SHISA6: variants seen among roughly 807,000 people sequenced by gnomAD.
The protein encoded by SHISA6 is protein shisa-6.
Under a neutral mutation model 47.9 loss-of-function variants are expected in SHISA6, and 22 were observed. The ratio of observed to expected loss-of-function variants is 0.46; its 90% CI spans 0.33 to 0.66. SHISA6 has a LOEUF of 0.66. Among genes scored for constraint, SHISA6 ranks in the 30% least tolerant of loss-of-function variants. The pLI is 0.02. For missense variants in SHISA6, 680 were observed against 764.6 expected (o/e 0.89, Z 1.30); for synonymous variants, 388 against 337.8 (o/e 1.15, Z -1.63).
At chr17:11,470,282 AC>A (rs899920290) in intron 3 of SHISA6, among the ~76,000 whole-genome samples, 1 of 152,210 alleles carries the variant, frequency 6.6e-6, no homozygotes, top group African/African-American at 2.4e-5. Flanking sequence ...CTCTGTTCAC[AC>A]AGCTGGACCA....
chr17:11,399,714 G>A (rs987523008), intron 3 of SHISA6, among the ~76,000 whole-genome samples: 1 of 152,122 alleles, frequency 6.6e-6, no homozygotes, highest in Non-Finnish European at 1.5e-5. Flanking sequence ...GAGGCACTGC[G>A]CCCAGCCCAT....
In SHISA6 at chr17:11,405,574, C is replaced by G. The variant is rs1849586; in HGVS notation, c.895+26065C>G. Among the ~76,000 whole-genome samples, 6 of 152,116 alleles carry G rather than the reference C, an allele frequency of 3.9e-5. No individual in the cohort carries two copies. The South Asian group carries it at 1.2e-3, about 32-fold the overall frequency. On this transcript the variant is annotated intron_variant, in intron 3 of 5. Coordinates refer to ENST00000441885, the MANE Select transcript of SHISA6 (RefSeq NM_207386.4). ...ATCCCAGCACTTTGGGAGGCCGAGGCGGGTGGATCACAAGGTCAGCAGTTC... is the reference window on the plus strand; with the variant it reads ...ATCCCAGCACTTTGGGAGGCCGAGGGGGGTGGATCACAAGGTCAGCAGTTC...
chr17:11,330,352 GA>G, intron 2 of SHISA6, among the ~76,000 whole-genome samples: 1 of 152,274 alleles, frequency 6.6e-6, no homozygotes, highest in Non-Finnish European at 1.5e-5. Context: ...CCAGGTAGAT[GA>G]AAAGCTCACA....
chr17:11,483,870 C>T (rs952014006), intron 3 of SHISA6, among the ~76,000 whole-genome samples: 3 of 152,098 alleles, frequency 2.0e-5, no homozygotes, highest in East Asian at 3.9e-4. Flanking sequence ...GCAGGAGGAT[C>T]GCTTGAGTCC....
chr17:11,350,175 TTTA>T (rs1425216825), intron 2 of SHISA6, among the ~76,000 whole-genome samples: 8 of 94,386 alleles, frequency 8.5e-5, no homozygotes, highest in African/African-American at 3.3e-4. Context: ...TATTTATTTA[TTTA>T]TTTATTTTTT....
intron 3 of SHISA6, among the ~76,000 whole-genome samples, chr17:11,502,223 C>A (rs887773753): frequency 6.7e-6 from 1 of 149,352 alleles, no homozygotes; most frequent in Non-Finnish European, 1.5e-5. Flanking sequence ...TCCTGGCTAA[C>A]ACGGTGAAAC....
At chr17:11,412,744 C>G (rs185773626) in intron 3 of SHISA6, among the ~76,000 whole-genome samples, 1 of 152,116 alleles carries the variant, frequency 6.6e-6, no homozygotes, top group East Asian at 1.9e-4. Context: ...GGGAAGAACA[C>G]TTAGACTTCT....
intron 3 of SHISA6, among the ~76,000 whole-genome samples, chr17:11,420,809 G>A (rs1026167217): frequency 2.0e-5 from 3 of 152,178 alleles, no homozygotes; most frequent in African/African-American, 7.2e-5. Context: ...CCAGTCAATT[G>A]GCTAAGATTA....
intron 3 of SHISA6, among the ~76,000 whole-genome samples, chr17:11,457,792 A>G (rs980154159): frequency 6.6e-5 from 9 of 136,670 alleles, no homozygotes; most frequent in Non-Finnish European, 1.4e-4. Flanking sequence ...CCATAAAAAT[A>G]GAGAATGCCT....
chr17:11,336,294 C>A (rs1016158530), intron 2 of SHISA6, among the ~76,000 whole-genome samples: 13 of 151,908 alleles, frequency 8.6e-5, no homozygotes, highest in Admixed American at 3.9e-4. Context: ...TGGCTCTGAT[C>A]TTTATAGACA....
At chr17:11,282,645 G>A (rs918752873) in intron 2 of SHISA6, among the ~76,000 whole-genome samples, 11 of 152,118 alleles carry the variant, frequency 7.2e-5, no homozygotes, top group Non-Finnish European at 1.3e-4. Context: ...GAGAACATGC[G>A]GTATTTGGTT....
intron 2 of SHISA6, among the ~76,000 whole-genome samples, chr17:11,303,051 C>CCAGTGCAGTG (rs200329101): frequency 6.6e-6 from 1 of 152,082 alleles, no homozygotes; most frequent in African/African-American, 2.4e-5. Flanking sequence ...CGCCCCCAAC[C>CCAGTGCAGTG]CAGTGCAGTG....
chr17:11,469,509 T>G (rs1326694538), intron 3 of SHISA6, among the ~76,000 whole-genome samples: 1 of 152,180 alleles, frequency 6.6e-6, no homozygotes, highest in Non-Finnish European at 1.5e-5. Context: ...GCCACTGAGT[T>G]TGGGGTAACT....
chr17:11,441,097 A>AC, intron 3 of SHISA6, among the ~76,000 whole-genome samples: 1 of 152,218 alleles, frequency 6.6e-6, no homozygotes, highest in African/African-American at 2.4e-5. Flanking sequence ...AACAAAAAAA[A>AC]CCTTCTTCCC....
intron 3 of SHISA6, among the ~76,000 whole-genome samples, chr17:11,422,015 C>T (rs572787199): frequency 2.6e-5 from 4 of 152,266 alleles, no homozygotes; most frequent in South Asian, 2.1e-4. Context: ...ATTATGTCAG[C>T]GCTTGTCTCC....
intron 3 of SHISA6, among the ~76,000 whole-genome samples, chr17:11,528,446 T>C (rs2071704751): frequency 6.6e-6 from 1 of 152,290 alleles, no homozygotes; most frequent in Non-Finnish European, 1.5e-5. Context: ...AAAACGTATA[T>C]ACACGCATGT....
At chr17:11,342,428 G>C (rs1167588865) in intron 2 of SHISA6, among the ~76,000 whole-genome samples, 2 of 151,986 alleles carry the variant, frequency 1.3e-5, no homozygotes, top group Non-Finnish European at 1.5e-5. Context: ...TGGAGATATG[G>C]AGAGAAGGCA....
At chr17:11,420,687 T>G (rs555317430) in intron 3 of SHISA6, among the ~76,000 whole-genome samples, 16 of 152,288 alleles carry the variant, frequency 1.1e-4, no homozygotes, top group African/African-American at 3.9e-4. Flanking sequence ...CTGGCCCCTT[T>G]GTCACCGCCA....
intron 3 of SHISA6, among the ~76,000 whole-genome samples, chr17:11,534,912 G>A (rs1469534827): frequency 2.6e-5 from 4 of 152,192 alleles, no homozygotes; most frequent in Middle Eastern, 3.4e-3. Flanking sequence ...GGTGGATCAC[G>A]AGGTCAAGAG....
Sources: allele counts gnomAD v4.1 joint callset (sites outside exome capture counted in the v4.1 genomes callset), GRCh38; gene constraint gnomAD v4.1.1; transcripts MANE v1.5; gene names NCBI Gene and HGNC (gene_info 2026-07-23, HGNC 2026-07-21).